GRIK1: variants seen among roughly 807,000 people sequenced by gnomAD.
GRIK1 encodes the protein glutamate ionotropic receptor kainate type subunit 1, also known as glutamate receptor ionotropic, kainate 1.
A neutral mutation model predicts 105.7 loss-of-function variants in GRIK1; 69 were observed. That is an observed-to-expected ratio of 0.65 (90% confidence interval 0.54 to 0.80). GRIK1 has a LOEUF of 0.80. Among genes scored for constraint, GRIK1 ranks in the 30% least tolerant of loss-of-function variants. The pLI is 0.00. For missense variants in GRIK1, 1,109 were observed against 1,167.3 expected (o/e 0.95, Z 0.73); for synonymous variants, 438 against 431.3 (o/e 1.02, Z -0.19).
At chr21:29,848,779 A>ATATATATATATATATATATATTTT in intron 1 of GRIK1, among the ~76,000 whole-genome samples, 15 of 77,866 alleles carry the variant, frequency 1.9e-4, no homozygotes, top group African/African-American at 7.6e-4. Context: ...ATATATATAT[A>ATATATATATATATATATATATTTT]TTTTTTTTTT....
intron 1 of GRIK1, among the ~76,000 whole-genome samples, chr21:29,810,727 G>A (rs2066987703): frequency 6.6e-6 from 1 of 152,126 alleles, no homozygotes; most frequent in African/African-American, 2.4e-5. Flanking sequence ...TAGAGAGAAA[G>A]CAATGAAGAC....
At chr21:29,694,207 C>A (rs28708571) in intron 1 of GRIK1, 144 bp from the exon 2 acceptor site, 62,286 of 600,624 alleles carry the variant, frequency 0.1, 3,636 homozygotes, top group East Asian at 0.18. Context: ...TCACTGCAAC[C>A]TCCGCCTCTG....
intron 7 of GRIK1, among the ~76,000 whole-genome samples, chr21:29,614,090 G>GTT (rs1207687741): frequency 2.0e-5 from 3 of 151,986 alleles, no homozygotes; most frequent in Non-Finnish European, 4.4e-5. Context: ...CTCAAACCAA[G>GTT]TTTTTTTCCC....
chr21:29,822,785 C>T (rs1002617908), intron 1 of GRIK1, among the ~76,000 whole-genome samples: 1 of 152,062 alleles, frequency 6.6e-6, no homozygotes, highest in Non-Finnish European at 1.5e-5. Flanking sequence ...AAGACATCCT[C>T]GATCTAGACT....
In GRIK1 at chr21:29,736,197, G is replaced by A. The variant is rs547476935; in HGVS notation, c.119-42134C>T. ...AAAATCAGATACTGTCTGAAAACTG[G>A]TATTGTTATTATGATTATGATTATG... On this transcript the variant is annotated intron_variant, in intron 1 of 17. Coordinates refer to ENST00000327783, the MANE Select transcript of GRIK1 (RefSeq NM_001330994.2). Among the ~76,000 whole-genome samples, 8 of 101,250 alleles carry A rather than the reference G, an allele frequency of 7.9e-5. No individual in the cohort carries two copies. In the South Asian group the frequency reaches 2.9e-3, roughly 36 times the overall value. The allele number at this position is 101,250 out of a possible 152,430, so 66.4% of individuals were successfully genotyped here. A position where few individuals can be genotyped will look rare whatever the true frequency, so the allele number is the denominator to read the frequency against.
intron 4 of GRIK1, among the ~76,000 whole-genome samples, chr21:29,667,453 A>G (rs1228119616): frequency 3.3e-5 from 5 of 152,246 alleles, no homozygotes; most frequent in Admixed American, 1.3e-4. Context: ...ATTTAAAAAA[A>G]AAGTGGGTTG....
chr21:29,541,457 C>T (rs1168249198), intron 16 of GRIK1, among the ~76,000 whole-genome samples: 1 of 151,984 alleles, frequency 6.6e-6, no homozygotes. Context: ...ATTCAATGTA[C>T]TGTTATATGC....
In GRIK1 at chr21:29,673,149, T is replaced by G. The variant is rs1343541937; in HGVS notation, c.560A>C (p.Gln187Pro). The G allele has an allele frequency of 6.2e-7, 1 of 1,608,912 alleles. No individual in the cohort carries two copies. Among genetic ancestry groups the G allele is most frequent in the Non-Finnish European group, 8.5e-7 (1 of 1,175,944 alleles). ...TCTGGAGGGAGCTTTGATGAGCTCTTGTAGACGAATTAGACCTAGAAAATG... is the reference window on the plus strand; with the variant it reads ...TCTGGAGGGAGCTTTGATGAGCTCTGGTAGACGAATTAGACCTAGAAAATG... ...YEDSTGLIRL[Q>P]ELIKAPSRYN... Residue 187 changes from glutamine (Q) to proline (P), a missense_variant, in exon 4 of 18, where the codon CAA (glutamine) becomes CCA (proline). Physicochemically the swap from Gln to Pro is moderately conservative, Grantham distance 76. This residue lies in a region of GRIK1 where 612 missense variants were observed against 586.0 expected (regional missense o/e 1.04). Coordinates refer to ENST00000327783, the MANE Select transcript of GRIK1 (RefSeq NM_001330994.2).
At chr21:29,820,958 TA>T (rs1193759437) in intron 1 of GRIK1, among the ~76,000 whole-genome samples, 1 of 151,578 alleles carries the variant, frequency 6.6e-6, no homozygotes, top group African/African-American at 2.4e-5. Flanking sequence ...ACAGTGTTTG[TA>T]AATACCAACA....
chr21:29,682,172 C>T (rs1487914895), intron 3 of GRIK1, among the ~76,000 whole-genome samples: 6 of 152,344 alleles, frequency 3.9e-5, no homozygotes, highest in Non-Finnish European at 7.3e-5. Flanking sequence ...CTCAATCCTT[C>T]ACCCACTTTG....
intron 1 of GRIK1, among the ~76,000 whole-genome samples, chr21:29,891,098 GTACATTAAGA>G (rs1222680565): frequency 6.6e-6 from 1 of 151,962 alleles, no homozygotes; most frequent in Admixed American, 6.6e-5. Context: ...GGACTATTTG[GTACATTAAGA>G]TACAAGTTCT....
intron 4 of GRIK1, among the ~76,000 whole-genome samples, chr21:29,659,678 C>T (rs1004193318): frequency 2.0e-5 from 3 of 151,918 alleles, no homozygotes; most frequent in African/African-American, 4.8e-5. Flanking sequence ...AACTCAATGC[C>T]GGCCAGGCGC....
intron 7 of GRIK1, among the ~76,000 whole-genome samples, chr21:29,641,540 G>A (rs1287861090): frequency 6.6e-6 from 1 of 152,140 alleles, no homozygotes; most frequent in African/African-American, 2.4e-5. Flanking sequence ...ACTTGCCCAG[G>A]TTATATTGCT....
chr21:29,851,725 C>T (rs1159040110), intron 1 of GRIK1, among the ~76,000 whole-genome samples: 3 of 151,708 alleles, frequency 2.0e-5, no homozygotes. Context: ...TACCTCATGG[C>T]CTCAACTCTC....
At chr21:29,695,437 T>A (rs755342066) in intron 1 of GRIK1, among the ~76,000 whole-genome samples, 1 of 121,208 alleles carries the variant, frequency 8.3e-6, no homozygotes, top group Non-Finnish European at 1.8e-5. Flanking sequence ...TCTATATCAA[T>A]ATCTATCTAT....
chr21:29,660,013 T>A (rs752827538), intron 4 of GRIK1, among the ~76,000 whole-genome samples: 7 of 151,912 alleles, frequency 4.6e-5, no homozygotes, highest in Admixed American at 6.6e-5. Flanking sequence ...CAAAAAACCC[T>A]CACTGCCAGC....
At chr21:29,764,196 T>A (rs2065600096) in intron 1 of GRIK1, among the ~76,000 whole-genome samples, 1 of 152,198 alleles carries the variant, frequency 6.6e-6, no homozygotes, top group Non-Finnish European at 1.5e-5. Context: ...CTTGGACTCC[T>A]ATTTTTTCAC....
chr21:29,738,369 A>T (rs2064848626), intron 1 of GRIK1, among the ~76,000 whole-genome samples: 1 of 152,240 alleles, frequency 6.6e-6, no homozygotes, highest in African/African-American at 2.4e-5. Flanking sequence ...AACTACATTC[A>T]GAAGAAGCAA....
chr21:29,579,955 ATGTG>A (rs112251097), intron 13 of GRIK1, among the ~76,000 whole-genome samples: 2,870 of 138,040 alleles, frequency 0.021, 82 homozygotes, highest in African/African-American at 0.073. Context: ...AAGTATATAT[ATGTG>A]TGTGTGTATA....
Sources: allele counts gnomAD v4.1 joint callset (sites outside exome capture counted in the v4.1 genomes callset), GRCh38; gene constraint gnomAD v4.1.1; regional missense constraint gnomAD v4.1.1; transcripts MANE v1.5; gene names NCBI Gene and HGNC (gene_info 2026-07-23, HGNC 2026-07-21).